Variants in IL1RAPL1 observed in about 807,000 individuals in gnomAD.
IL1RAPL1 encodes the protein interleukin-1 receptor accessory protein-like 1.
IL1RAPL1 carries 3 observed loss-of-function variants against 48.4 expected under a neutral mutation model. That is an observed-to-expected ratio of 0.06 (90% CI 0.03 to 0.16). The LOEUF (loss-of-function observed/expected upper bound fraction) is 0.16. IL1RAPL1 is among the 10% of genes least tolerant of loss of function. The probability of loss-of-function intolerance (pLI) is 1.00; values close to 1 mark genes in which losing one functional copy is unlikely to be tolerated. For missense variants in IL1RAPL1, 349 were observed against 530.6 expected (o/e 0.66, Z 3.36); for synonymous variants, 185 against 187.7 (o/e 0.99, Z 0.12).
At chrX:28,961,009 CAAAAA>C (rs397947609) in intron 2 of IL1RAPL1, among the ~76,000 whole-genome samples, 4 of 17,490 alleles carry the variant, frequency 2.3e-4, no homozygotes, top group Admixed American at 1.1e-3. Context: ...GACTCCGTCT[CAAAAA>C]AAAAAAAAAA....
chrX:28,868,000 A>G (rs1361151763), intron 2 of IL1RAPL1, among the ~76,000 whole-genome samples: 1 of 112,050 alleles, frequency 8.9e-6, no homozygotes, highest in African/African-American at 3.2e-5. Flanking sequence ...ATTATAGGAA[A>G]TCCAAAACTG....
intron 6 of IL1RAPL1, among the ~76,000 whole-genome samples, chrX:29,803,012 T>TGC (rs1930035992): frequency 4.6e-5 from 2 of 43,350 alleles, no homozygotes; most frequent in African/African-American, 2.1e-4. Flanking sequence ...CATATATACA[T>TGC]ATGTGTACAT....
At chrX:29,247,060 A>G (rs1018079961) in intron 2 of IL1RAPL1, among the ~76,000 whole-genome samples, 3 of 112,266 alleles carry the variant, frequency 2.7e-5, no homozygotes, top group Non-Finnish European at 3.8e-5. Flanking sequence ...AACCAATGAT[A>G]TATTCATATC....
At chrX:28,957,528 C>A (rs1253446492) in intron 2 of IL1RAPL1, among the ~76,000 whole-genome samples, 1 of 111,696 alleles carries the variant, frequency 9.0e-6, no homozygotes, top group Non-Finnish European at 1.9e-5. Context: ...ATTCCAATGT[C>A]TCTTACTGCC....
intron 5 of IL1RAPL1, among the ~76,000 whole-genome samples, chrX:29,535,934 C>T (rs1921215793): frequency 8.9e-6 from 1 of 111,988 alleles, no homozygotes; most frequent in Admixed American, 9.5e-5. Context: ...AAATGTACTG[C>T]AGTCCTTCTG....
chrX:29,892,215 G>A (rs779383552), intron 6 of IL1RAPL1, among the ~76,000 whole-genome samples: 1 of 112,133 alleles, frequency 8.9e-6, no homozygotes, highest in Admixed American at 9.5e-5. Context: ...GTTATGATAA[G>A]AGGTTCCTAA....
chrX:29,655,888 A>G (rs1241380178), intron 5 of IL1RAPL1, among the ~76,000 whole-genome samples: 1 of 111,105 alleles, frequency 9.0e-6, no homozygotes, highest in Non-Finnish European at 1.9e-5. Context: ...CCCAAACCAC[A>G]CACCCCAAAA....
intron 2 of IL1RAPL1, among the ~76,000 whole-genome samples, chrX:28,813,240 T>C (rs1320228232): frequency 9.0e-6 from 1 of 111,713 alleles, no homozygotes; most frequent in Non-Finnish European, 1.9e-5. Context: ...ACTTTGATTA[T>C]TGTCATTTGT....
chrX:29,128,226 A>G (rs1244436940), intron 2 of IL1RAPL1, among the ~76,000 whole-genome samples: 4 of 110,933 alleles, frequency 3.6e-5, no homozygotes, highest in African/African-American at 1.3e-4. Flanking sequence ...CCTAAGATAC[A>G]TTACCTCATT....
At chrX:28,793,639 G>T (rs1415230260) in intron 2 of IL1RAPL1, among the ~76,000 whole-genome samples, 1 of 111,267 alleles carries the variant, frequency 9.0e-6, no homozygotes, top group Non-Finnish European at 1.9e-5. Flanking sequence ...AAGAAAATCT[G>T]CAGTAAGATT....
chrX:29,451,433 G>C (rs181039479), intron 5 of IL1RAPL1, among the ~76,000 whole-genome samples: 4 of 111,058 alleles, frequency 3.6e-5, no homozygotes, highest in African/African-American at 1.3e-4. Flanking sequence ...GGCCTCAAGA[G>C]ATCTGCGTGA....
chrX:29,953,990 C>A (rs1387106163), intron 9 of IL1RAPL1, among the ~76,000 whole-genome samples: 1 of 110,779 alleles, frequency 9.0e-6, no homozygotes, highest in Non-Finnish European at 1.9e-5. Context: ...AATCCCAGCA[C>A]TTTGGGAGGC....
chrX:28,962,175 A>T (rs1924796220), intron 2 of IL1RAPL1, among the ~76,000 whole-genome samples: 1 of 112,035 alleles, frequency 8.9e-6, no homozygotes, highest in African/African-American at 3.2e-5. Context: ...TGGAAGAAAA[A>T]TTATCAGATT....
intron 5 of IL1RAPL1, among the ~76,000 whole-genome samples, chrX:29,447,185 C>T (rs1441407236): frequency 9.0e-6 from 1 of 110,581 alleles, no homozygotes. Context: ...TTTATTATGC[C>T]AGTGTATGTG....
intron 1 of IL1RAPL1, among the ~76,000 whole-genome samples, chrX:28,759,876 G>A (rs181532385): frequency 9.0e-6 from 1 of 111,135 alleles, no homozygotes; most frequent in African/African-American, 3.3e-5. Context: ...AATTACGTGA[G>A]TTCTTGTACC....
intron 2 of IL1RAPL1, among the ~76,000 whole-genome samples, chrX:29,234,242 C>G (rs1569265975): frequency 9.5e-6 from 1 of 105,599 alleles, no homozygotes; most frequent in South Asian, 4.0e-4. Flanking sequence ...AATGGTTGCA[C>G]ATATTTATAA....
At chrX:28,652,313 ACACACAGAGTG>A (rs1286081566) in intron 1 of IL1RAPL1, among the ~76,000 whole-genome samples, 1 of 110,931 alleles carries the variant, frequency 9.0e-6, no homozygotes, top group Non-Finnish European at 1.9e-5. Flanking sequence ...CTCCCATAGC[ACACACAGAGTG>A]TATTGAAGAA....
intron 6 of IL1RAPL1, among the ~76,000 whole-genome samples, chrX:29,696,265 T>C (rs1265708234): frequency 9.0e-6 from 1 of 111,512 alleles, no homozygotes. Flanking sequence ...AAAACCCAGG[T>C]TGGGAAACCA....
chrX:28,853,045 A>G (rs1269430388), intron 2 of IL1RAPL1, among the ~76,000 whole-genome samples: 1 of 111,504 alleles, frequency 9.0e-6, no homozygotes, highest in Non-Finnish European at 1.9e-5. Context: ...TGCTCAATAA[A>G]TAACAGCTAC....
Sources: allele counts gnomAD v4.1 joint callset (sites outside exome capture counted in the v4.1 genomes callset), GRCh38; gene constraint gnomAD v4.1.1; transcripts MANE v1.5; gene names NCBI Gene and HGNC (gene_info 2026-07-23, HGNC 2026-07-21).